Variants in NPM3 observed in about 807,000 individuals in gnomAD.
The protein encoded by NPM3 is nucleoplasmin-3.
In NPM3, 12 loss-of-function variants were observed where a neutral mutation model predicts 18.1. That is an observed-to-expected ratio of 0.66 (90% confidence interval 0.42 to 1.07). NPM3 has a LOEUF of 1.07. Among genes scored for constraint, NPM3 ranks in the 50% least tolerant of loss-of-function variants. NPM3 has a pLI of 0.00. For missense variants in NPM3, 274 were observed against 232.1 expected, an observed-to-expected ratio of 1.18 and a Z score of -1.17; for synonymous variants, 116 against 93.7, an observed-to-expected ratio of 1.24 and a Z score of -1.38.
At chr10:101,782,234 G>A (rs1285564010) in intron 4 of NPM3, 24 bp downstream of exon 4, 1 of 1,587,122 alleles carries the variant, frequency 6.3e-7, no homozygotes, top group African/African-American at 1.3e-5. Flanking sequence ...GGAAGCAAAG[G>A]AGAGGGCCCT....
chr10:101,782,604 A>G lies in NPM3; in HGVS notation c.205-7T>C. ...CTCCCTCGGTGAGGCAGAGCTGGGA[A>G]CGGTACACAGGGCCTCAGGGTCTCC... On this transcript the variant is annotated splice_polypyrimidine_tract_variant and splice_region_variant and intron_variant, in intron 2 of 5. Transcript: ENST00000370110. 6.2e-7 allele frequency: 1 copy of G among 1,613,678 alleles called. No homozygotes were observed. Among genetic ancestry groups the G allele is most frequent in the Non-Finnish European group, 8.5e-7 (1 of 1,180,002 alleles).
exon 3 of NPM3, chr10:101,782,545 G>A: frequency 6.2e-7 from 1 of 1,614,036 alleles, no homozygotes; most frequent in Non-Finnish European, 8.5e-7. Flanking sequence ...ATGGTTCCGG[G>A]CCACAACTTC....
chr10:101,781,778 C>G lies in NPM3; in HGVS notation c.495G>C (p.Leu165=), dbSNP rs767440101. 7.4e-6 allele frequency: 12 copies of G among 1,614,076 alleles called. No individual in the cohort carries two copies. In the Admixed American group the frequency reaches 1.8e-4, roughly 25 times the overall value. The change falls in exon 5 of 6, where the codon CTG becomes CTC. Residue 165 remains leucine, a synonymous_variant. Coordinates refer to ENST00000370110, the Ensembl canonical transcript of NPM3. ...GCTTTTTGGCAGGAAGGATGGGGCA[C>G]AGCTCAACTTCTTCCTCATCACTGT...
At chr10:101,782,335 A>C (rs1564635550) in exon 4 of NPM3, 5 of 1,613,936 alleles carry the variant, frequency 3.1e-6, no homozygotes, top group African/African-American at 2.7e-5. Flanking sequence ...TTGGAGCTGG[A>C]AGTCATCCAG....
intron 3 of NPM3, 29 bp downstream of exon 3, chr10:101,782,449 C>T (rs1266916412): frequency 6.2e-7 from 1 of 1,604,464 alleles, no homozygotes; most frequent in Non-Finnish European, 8.5e-7. Context: ...CCACCACCAC[C>T]ACCACCAAGG....
At position 101,783,266 on chromosome 10, in the gene NPM3, C is replaced by T; in HGVS notation, c.118+7G>A. 6.3e-7 allele frequency: 1 copy of T among 1,589,944 alleles called. No individual in the cohort carries two copies. Among genetic ancestry groups the T allele is most frequent in the Non-Finnish European group, 8.6e-7 (1 of 1,163,576 alleles). ...GTACCACCCTCAGCCTCTCCCTTCA[C>T]TAATACCGAAGAAAAAACTGTCCAT... On this transcript the variant is annotated splice_region_variant and intron_variant, in intron 1 of 5. Coordinates refer to ENST00000370110, the Ensembl canonical transcript of NPM3.
At chr10:101,781,746 C>T (rs201274360) in exon 5 of NPM3, 2 of 1,614,040 alleles carry the variant, frequency 1.2e-6, no homozygotes, top group African/African-American at 1.3e-5. Flanking sequence ...CTAGGGCCTG[C>T]CCCCCTGCTT....
At chr10:101,783,364 T>C in exon 1 of NPM3, 3 of 1,612,068 alleles carry the variant, frequency 1.9e-6, no homozygotes, top group Middle Eastern at 3.3e-4. Context: ...TCAAAAACGC[T>C]AAGGCAGCTG....
At chr10:101,782,288 G>A (rs1342738236) in exon 4 of NPM3, 1 of 1,613,900 alleles carries the variant, frequency 6.2e-7, no homozygotes, top group African/African-American at 1.3e-5. Context: ...ATCCGCACAG[G>A]GCCAGAGCCC....
At position 101,782,462 on chromosome 10, in the gene NPM3, G is replaced by A; in HGVS notation, c.324+16C>T. The A allele has an allele frequency of 6.2e-7, 1 of 1,607,842 alleles. No homozygotes were observed. Among genetic ancestry groups the A allele is most frequent in the East Asian group, 2.2e-5 (1 of 44,616 alleles). On this transcript the variant is annotated intron_variant, in intron 3 of 5. Transcript: ENST00000370110. ...CACCACCACCACCACCACCAAGGCA[G>A]AGCTGGGGAACTCACCATGGGTTGG... is the stretch of plus-strand genomic sequence containing the variant.
exon 1 of NPM3, chr10:101,783,354 T>C: frequency 6.2e-7 from 1 of 1,612,506 alleles, no homozygotes; most frequent in South Asian, 1.1e-5. Context: ...CTCTCCTGAC[T>C]CAAAAACGCT....
chr10:101,781,801 T>C (rs997092813), exon 5 of NPM3: 1 of 1,614,188 alleles, frequency 6.2e-7, no homozygotes, highest in Non-Finnish European at 8.5e-7. Context: ...TCCTCATCAC[T>C]GTCCTCTTCC....
chr10:101,782,882 A>C, exon 2 of NPM3: 5 of 1,614,044 alleles, frequency 3.1e-6, no homozygotes, highest in Non-Finnish European at 4.2e-6. Context: ...CTCTTCCTCT[A>C]CCTTAAAGGT....
At chr10:101,782,419 C>G in intron 3 of NPM3, 59 bp downstream of exon 3, 1 of 1,600,768 alleles carries the variant, frequency 6.2e-7, no homozygotes, top group African/African-American at 1.3e-5. Flanking sequence ...TGAGTGCTAA[C>G]GTCCTCAATC....
Position 101,782,353 on chromosome 10 carries a change from TGGGA to T in NPM3, c.325-6_325-3del. The T allele has an allele frequency of 6.2e-7, 1 of 1,613,676 alleles. No homozygotes were observed. The highest frequency in any genetic ancestry group is 1.1e-5 in the South Asian group (1 of 90,968). On this transcript the variant is annotated splice_region_variant and splice_polypyrimidine_tract_variant and intron_variant, in intron 3 of 5. Transcript: ENST00000370110. ...GAGCTGGAAGTCATCCAGACTGAGC[TGGGA>T]GGAAGACAAGGATGAAGGCCTGGCC...
upstream of NPM3, chr10:101,783,444 C>T: frequency 7.3e-7 from 1 of 1,368,020 alleles, no homozygotes; most frequent in Non-Finnish European, 1.0e-6. Context: ...GCCGGGGACC[C>T]TCGGCCAGTT....
intron 5 of NPM3, 41 bp downstream of exon 5, chr10:101,781,686 C>T: frequency 6.2e-7 from 1 of 1,603,792 alleles, no homozygotes; most frequent in South Asian, 1.1e-5. Flanking sequence ...CTTCTCCTGC[C>T]CCTTCCCAGA....
chr10:101,782,522 T>A, exon 3 of NPM3: 1 of 1,613,892 alleles, frequency 6.2e-7, no homozygotes, highest in Non-Finnish European at 8.5e-7. Flanking sequence ...GGGACTGCGA[T>A]CTCCTGATGG....
rs758735619 is a variant in NPM3 at position 101,782,246 on chromosome 10, C to T, written c.418+12G>A. On this transcript the variant is annotated intron_variant, in intron 4 of 5. Coordinates refer to ENST00000370110, the Ensembl canonical transcript of NPM3. The stretch of plus-strand genomic sequence containing the variant: ...ACTGGAAGCAAAGGAGAGGGCCCTC[C>T]CCTCTTCTCACCAATCTGGTGCCGC... The T allele has an allele frequency of 3.7e-6, 6 of 1,609,838 alleles. No individual in the cohort carries two copies. The highest frequency in any genetic ancestry group is 1.7e-5 in the Admixed American group (1 of 59,770).
Sources: allele counts gnomAD v4.1 joint callset, GRCh38; gene constraint gnomAD v4.1.1; transcripts MANE v1.5; gene names NCBI Gene and HGNC (gene_info 2026-07-23, HGNC 2026-07-21).